Variants in RNF212 observed in about 807,000 individuals in gnomAD.
RNF212 encodes the protein probable E3 SUMO-protein ligase RNF212.
In RNF212, 33 loss-of-function variants were observed where a neutral mutation model predicts 34.7. That is an observed-to-expected ratio of 0.95 (90% confidence interval 0.72 to 1.27). The LOEUF is 1.27. Ranked by LOEUF, RNF212 falls within the 50% of genes most tolerant of loss-of-function variation. RNF212 has a pLI of 0.00. For synonymous variants in RNF212, 140 were observed against 136.1 expected, an observed-to-expected ratio of 1.03 and a Z score of -0.20; for missense variants, 377 against 362.2, an observed-to-expected ratio of 1.04 and a Z score of -0.33.
At chr4:1,095,729 T>C (rs1277419960) in intron 3 of RNF212, among the ~76,000 whole-genome samples, 2 of 46,148 alleles carry the variant, frequency 4.3e-5, no homozygotes, top group Non-Finnish European at 7.8e-5. Flanking sequence ...ACCTGGCTCA[T>C]CACAGAACCA....
intron 3 of RNF212, among the ~76,000 whole-genome samples, chr4:1,064,383 A>C (rs781465457): frequency 2.0e-5 from 3 of 152,250 alleles, no homozygotes; most frequent in Admixed American, 6.5e-5. Context: ...AATAAAGCAC[A>C]CAGATAAAGT....
At chr4:1,080,034 G>C (rs942143368) in intron 7 of RNF212, among the ~76,000 whole-genome samples, 1 of 152,190 alleles carries the variant, frequency 6.6e-6, no homozygotes, top group African/African-American at 2.4e-5. Context: ...CCTGGAGCCT[G>C]CTGGACTAGG....
In RNF212 at chr4:1,072,733, C is replaced by A; in HGVS notation, c.*141G>T. 1 of 1,417,836 alleles carries A rather than the reference C, an allele frequency of 7.1e-7. No homozygotes were observed. The highest frequency in any genetic ancestry group is 9.2e-7 in the Non-Finnish European group (1 of 1,088,670). 87.8% of individuals were successfully genotyped at this position (1,417,836 alleles called of 1,614,324 possible). ...AAAGGTCAAATATAAAATTACAAAGCAAATTGGGTAAAAGGTTAATATCCT... is the reference window on the plus strand; with the variant it reads ...AAAGGTCAAATATAAAATTACAAAGAAAATTGGGTAAAAGGTTAATATCCT... On this transcript the variant is annotated 3_prime_UTR_variant, in exon 10 of 10. Coordinates refer to ENST00000433731, the MANE Select transcript of RNF212 (RefSeq NM_001131034.4).
intron 3 of RNF212, among the ~76,000 whole-genome samples, chr4:1,063,083 C>T (rs1323524762): frequency 3.3e-5 from 5 of 152,316 alleles, no homozygotes; most frequent in Admixed American, 2.6e-4. Context: ...CTATGTCCAA[C>T]ATTCATGGAT....
Position 1,113,349 on chromosome 4 carries a change from C to T in RNF212, c.109+7G>A. 9.0e-6 allele frequency: 14 copies of T among 1,560,464 alleles called. No individual in the cohort carries two copies. The highest frequency in any genetic ancestry group is 1.0e-5 in the Non-Finnish European group (12 of 1,157,976). On this transcript the variant is annotated splice_region_variant and intron_variant, in intron 1 of 9. Transcript: ENST00000433731. The stretch of plus-strand genomic sequence containing the variant: ...CCCTCTCCAGCCTGCGTTCGGGAAG[C>T]CCTGACCTTTGCCGAGGCAGGCGTC...
intron 2 of RNF212, among the ~76,000 whole-genome samples, chr4:1,106,249 TACACACACACACACACAC>T (rs35166968): frequency 0.06 from 8,790 of 146,036 alleles, 341 homozygotes; most frequent in Middle Eastern, 0.086. Context: ...CAATTTTACT[TACACACACACACACACAC>T]ACACACACAC....
intron 2 of RNF212, chr4:1,101,211 C>T: frequency 3.7e-6 from 1 of 273,050 alleles, no homozygotes; most frequent in Non-Finnish European, 7.4e-6. Context: ...AGTGCAGTAG[C>T]CGTGGTGGCA....
At chr4:1,090,963 C>A in intron 3 of RNF212, 125 bp from the exon 4 acceptor site, 1 of 637,046 alleles carries the variant, frequency 1.6e-6, no homozygotes, top group Admixed American at 2.8e-5. Context: ...TTACGTGTGT[C>A]CTGCCCCCAC....
intron 3 of RNF212, among the ~76,000 whole-genome samples, chr4:1,058,772 C>T (rs1189266677): frequency 6.6e-6 from 1 of 152,190 alleles, no homozygotes; most frequent in African/African-American, 2.4e-5. Context: ...GAGGGGCCCT[C>T]GGCCCGTGGG....
intron 1 of RNF212, among the ~76,000 whole-genome samples, chr4:1,112,823 C>G (rs1179284212): frequency 1.0e-5 from 1 of 98,514 alleles, no homozygotes; most frequent in Admixed American, 1.0e-4. Context: ...CCTTCCCCCC[C>G]AAGCCTTGAC....
At chr4:1,061,595 C>T (rs1717754006) in intron 3 of RNF212, among the ~76,000 whole-genome samples, 1 of 152,254 alleles carries the variant, frequency 6.6e-6, no homozygotes, top group African/African-American at 2.4e-5. Context: ...AGATCATTGG[C>T]CATGGGGAGC....
In RNF212 at chr4:1,093,543, T is replaced by TGCCCAGGCTGGAGCCAGCCATCA. The variant is rs757048057; in HGVS notation, c.247-2706_247-2705insTGATGGCTGGCTCCAGCCTGGGC. On this transcript the variant is annotated intron_variant, in intron 3 of 9. Transcript: ENST00000433731. ...AGGTCACTGGGCAGAGCCTGTGACCTCCACGGCCCATGCCGGAAGCCTGAG... is the reference window on the plus strand; with the variant it reads ...AGGTCACTGGGCAGAGCCTGTGACCTGCCCAGGCTGGAGCCAGCCATCACCACGGCCCATGCCGGAAGCCTGAG... 4.3e-4 allele frequency: 595 copies of TGCCCAGGCTGGAGCCAGCCATCA among 1,392,960 alleles called. 2 individuals are homozygous for TGCCCAGGCTGGAGCCAGCCATCA. The Middle Eastern group carries it at 4.6e-3, about 11-fold the overall frequency. The allele number at this position is 1,392,960 out of a possible 1,614,324, so 86.3% of individuals were successfully genotyped here.
chr4:1,056,991 G>T, intron 4 of RNF212: 2 of 987,768 alleles, frequency 2.0e-6, no homozygotes, highest in Non-Finnish European at 2.4e-6. Flanking sequence ...TAGGGAATTT[G>T]CAGAGGTGGA....
chr4:1,082,006 T>G, intron 5 of RNF212: 1 of 249,186 alleles, frequency 4.0e-6, no homozygotes, highest in Non-Finnish European at 7.9e-6. Flanking sequence ...ATCCCAACAC[T>G]TTGGGAGGCA....
At chr4:1,074,647 C>T (rs368689824) in intron 8 of RNF212, among the ~76,000 whole-genome samples, 1 of 152,206 alleles carries the variant, frequency 6.6e-6, no homozygotes, top group East Asian at 1.9e-4. Context: ...ACGGACCCCC[C>T]TGCTTGGCAT....
At chr4:1,104,846 C>T (rs558708918) in intron 2 of RNF212, among the ~76,000 whole-genome samples, 1 of 152,250 alleles carries the variant, frequency 6.6e-6, no homozygotes, top group Admixed American at 6.5e-5. Flanking sequence ...AATGGCGGCA[C>T]GGGGCAGGAC....
intron 2 of RNF212, among the ~76,000 whole-genome samples, chr4:1,101,934 ACT>A (rs1196914039): frequency 6.6e-6 from 1 of 152,256 alleles, no homozygotes; most frequent in Non-Finnish European, 1.5e-5. Flanking sequence ...AGAAACTGTA[ACT>A]AAAAACTTGC....
At chr4:1,110,533 T>A (rs565576958) in intron 1 of RNF212, among the ~76,000 whole-genome samples, 1 of 152,340 alleles carries the variant, frequency 6.6e-6, no homozygotes, top group South Asian at 2.1e-4. Context: ...AACTATGTTA[T>A]GGTATGATAG....
In RNF212 at chr4:1,099,926, C is replaced by T. The variant is rs772588607; in HGVS notation, c.172-3087G>A. ...CTCGCTGTCAGACACAGGAAAGGGG[C>T]GCTGCAAAAGAGGGCTCTTATCATC... On this transcript the variant is annotated intron_variant, in intron 2 of 9. Transcript: ENST00000433731. The T allele has an allele frequency of 2.6e-5, 12 of 454,130 alleles. No individual in the cohort carries two copies. In the Middle Eastern group the frequency reaches 1.1e-3, roughly 42 times the overall value. 28.1% of individuals were successfully genotyped at this position (454,130 alleles called of 1,614,324 possible).
Sources: allele counts gnomAD v4.1 joint callset (sites outside exome capture counted in the v4.1 genomes callset), GRCh38; gene constraint gnomAD v4.1.1; transcripts MANE v1.5; gene names NCBI Gene and HGNC (gene_info 2026-07-23, HGNC 2026-07-21).